MARCHF3: variants seen among roughly 807,000 people sequenced by gnomAD.
The protein encoded by MARCHF3 is E3 ubiquitin-protein ligase MARCHF3.
In MARCHF3, 13 loss-of-function variants were observed where a neutral mutation model predicts 24.2. That is an observed-to-expected ratio of 0.54 (90% CI 0.35 to 0.85). The LOEUF is 0.85. Among genes scored for constraint, MARCHF3 ranks in the 40% least tolerant of loss-of-function variants. MARCHF3 has a pLI of 0.01. For synonymous variants in MARCHF3, 144 were observed against 137.3 expected (o/e 1.05, Z -0.34); for missense variants, 276 against 325.0 (o/e 0.85, Z 1.16).
chr5:126,985,642 T>C (rs1418011341), intron 1 of MARCHF3, among the ~76,000 whole-genome samples: 1 of 151,802 alleles, frequency 6.6e-6, no homozygotes, highest in East Asian at 1.9e-4. Flanking sequence ...CTAATTTTTT[T>C]ATTTTTTATT....
chr5:126,952,853 TTGCCTATAA>T (rs1750301176), intron 1 of MARCHF3, among the ~76,000 whole-genome samples: 1 of 152,172 alleles, frequency 6.6e-6, no homozygotes, highest in African/African-American at 2.4e-5. Flanking sequence ...ATAACGCGAA[TTGCCTATAA>T]TCTTAATTGT....
At chr5:127,023,587 C>T (rs892465150) in intron 1 of MARCHF3, among the ~76,000 whole-genome samples, 1 of 151,700 alleles carries the variant, frequency 6.6e-6, no homozygotes, top group African/African-American at 2.4e-5. Context: ...CAAAAATTAG[C>T]CAGGTGTGGT....
chr5:126,922,297 A>C (rs1000749787), intron 1 of MARCHF3, among the ~76,000 whole-genome samples: 3 of 152,200 alleles, frequency 2.0e-5, no homozygotes, highest in African/African-American at 7.2e-5. Context: ...TCAGCCTCTC[A>C]GACTTTTCCT....
Position 126,999,854 on chromosome 5 carries a change from T to C in MARCHF3, c.-57+30496A>G, listed in dbSNP as rs572146738. Among the ~76,000 whole-genome samples the C allele has an allele frequency of 2.0e-4, 30 of 152,230 alleles. No homozygotes were observed. The South Asian group carries it at 3.3e-3, about 17-fold the overall frequency. On this transcript the variant is annotated intron_variant, in intron 1 of 4. Transcript: ENST00000308660. ...CACTGGATAGAAATCAGCTACCCCA[T>C]TGAATCCATATTATGGAAACAAAGC...
intron 1 of MARCHF3, among the ~76,000 whole-genome samples, chr5:126,947,223 T>C (rs1750055793): frequency 6.6e-6 from 1 of 152,216 alleles, no homozygotes; most frequent in South Asian, 2.1e-4. Flanking sequence ...CCGACATTTA[T>C]TGACAAAGGA....
intron 3 of MARCHF3, among the ~76,000 whole-genome samples, chr5:126,881,676 A>G (rs1158848159): frequency 2.6e-5 from 4 of 152,188 alleles, no homozygotes; most frequent in African/African-American, 9.6e-5. Flanking sequence ...GATCCTATAT[A>G]TGTAAGACAT....
intron 1 of MARCHF3, among the ~76,000 whole-genome samples, chr5:127,026,456 G>A (rs1435576924): frequency 6.6e-6 from 1 of 152,004 alleles, no homozygotes; most frequent in Non-Finnish European, 1.5e-5. Context: ...TGCCTCTCTG[G>A]GTCAAGACTG....
At chr5:126,932,927 TAAC>T (rs1197357911) in intron 1 of MARCHF3, among the ~76,000 whole-genome samples, 1 of 152,160 alleles carries the variant, frequency 6.6e-6, no homozygotes, top group Non-Finnish European at 1.5e-5. Context: ...TCCCCTTTCC[TAAC>T]AACAAAGGGA....
intron 3 of MARCHF3, among the ~76,000 whole-genome samples, chr5:126,890,238 T>G (rs1031301106): frequency 3.9e-5 from 6 of 152,188 alleles, no homozygotes; most frequent in Non-Finnish European, 7.3e-5. Flanking sequence ...ACTCACAGAC[T>G]TGTCTTCAGA....
chr5:127,027,069 G>A (rs1034032674), intron 1 of MARCHF3, among the ~76,000 whole-genome samples: 27 of 152,124 alleles, frequency 1.8e-4, no homozygotes, highest in African/African-American at 6.3e-4. Flanking sequence ...AGTCTGAAAT[G>A]GGAGAACAGA....
intron 1 of MARCHF3, among the ~76,000 whole-genome samples, chr5:127,024,342 T>G (rs1752926398): frequency 1.3e-5 from 2 of 152,230 alleles, no homozygotes; most frequent in African/African-American, 4.8e-5. Flanking sequence ...TGTAATTCTT[T>G]GTAGCCTCTA....
chr5:126,884,998 G>A (rs1300634533), intron 3 of MARCHF3, among the ~76,000 whole-genome samples: 5 of 151,994 alleles, frequency 3.3e-5, no homozygotes, highest in Non-Finnish European at 5.9e-5. Flanking sequence ...GCTACCTCTC[G>A]CTTCATTTTC....
Position 126,900,382 on chromosome 5 carries a change from G to A in MARCHF3, c.393+14548C>T, listed in dbSNP as rs1353815745. Among the ~76,000 whole-genome samples the A allele has an allele frequency of 2.0e-5, 3 of 152,156 alleles. No homozygotes were observed. In the East Asian group the frequency reaches 5.8e-4, roughly 29 times the overall value. ...AAGTGGGGCCTTTGGGAGGTGATTA[G>A]GTCAGGAGGATGGAGCACCCATGAC... On this transcript the variant is annotated intron_variant, in intron 3 of 4. Transcript: ENST00000308660.
At chr5:127,025,657 G>C (rs950776819) in intron 1 of MARCHF3, among the ~76,000 whole-genome samples, 2 of 152,144 alleles carry the variant, frequency 1.3e-5, no homozygotes, top group African/African-American at 4.8e-5. Flanking sequence ...CCACAGATGA[G>C]TGCATCTGTC....
At chr5:126,921,770 C>T (rs557486775) in intron 1 of MARCHF3, among the ~76,000 whole-genome samples, 30 of 152,298 alleles carry the variant, frequency 2.0e-4, no homozygotes, top group African/African-American at 7.2e-4. Flanking sequence ...GGGTCCTTTG[C>T]TGGCCAGGCT....
At chr5:126,907,033 G>T (rs1373574779) in intron 3 of MARCHF3, among the ~76,000 whole-genome samples, 1 of 151,870 alleles carries the variant, frequency 6.6e-6, no homozygotes, top group Non-Finnish European at 1.5e-5. Context: ...GTTGTCGTTG[G>T]TTTCAAAGAA....
rs370733713 is a variant in MARCHF3 at position 126,938,974 on chromosome 5, G to A, written c.-56-20747C>T. Among the ~76,000 whole-genome samples the A allele has an allele frequency of 4.6e-5, 7 of 152,208 alleles. No individual in the cohort carries two copies. The East Asian group carries it at 5.8e-4, about 13-fold the overall frequency. On this transcript the variant is annotated intron_variant, in intron 1 of 4. Transcript: ENST00000308660. The stretch of plus-strand genomic sequence containing the variant: ...GGAGGAAGAGGTCTAAGCTTGTCCC[G>A]TCACTAAATGAAAATGAATTCTGTG...
rs541400368 is a variant in MARCHF3 at position 127,022,600 on chromosome 5, C to T, written c.-57+7750G>A. On this transcript the variant is annotated intron_variant, in intron 1 of 4. Coordinates refer to ENST00000308660, the MANE Select transcript of MARCHF3 (RefSeq NM_178450.5). Reference sequence around the variant, plus strand: ...CATCTACTAGTTGCAAGAAAGGGTCCGCACATAATTGGTTCTACACTCTCA... The same window carrying T: ...CATCTACTAGTTGCAAGAAAGGGTCTGCACATAATTGGTTCTACACTCTCA... Among the ~76,000 whole-genome samples the T allele has an allele frequency of 3.5e-4, 53 of 152,212 alleles. 1 individual carries two copies. The highest frequency in any genetic ancestry group is 1.2e-3 in the African/African-American group (49 of 41,534).
At chr5:126,950,294 C>T (rs572165753) in intron 1 of MARCHF3, among the ~76,000 whole-genome samples, 17 of 152,190 alleles carry the variant, frequency 1.1e-4, no homozygotes, top group Non-Finnish European at 2.4e-4. Context: ...AAATTCATGA[C>T]CACAGACTCA....
Sources: allele counts gnomAD v4.1 joint callset (sites outside exome capture counted in the v4.1 genomes callset), GRCh38; gene constraint gnomAD v4.1.1; transcripts MANE v1.5; gene names NCBI Gene and HGNC (gene_info 2026-07-23, HGNC 2026-07-21).